The following ZNF469 variants were observed in gnomAD, a reference collection of about 807,000 sequenced individuals.
ZNF469 encodes the protein zinc finger protein 469.
In ZNF469, 1 loss-of-function variant was observed where a neutral mutation model predicts 1.0. The observed-to-expected ratio is 1.00, with a 90% CI of 0.35 to 4.73. The LOEUF (loss-of-function observed/expected upper bound fraction) is 4.73, where lower values mean the gene tolerates loss of function less well. ZNF469 is among the 30% of genes most tolerant of loss of function. ZNF469 has a pLI of 0.16. For synonymous variants in ZNF469, 2,703 were observed against 2,363.4 expected, an observed-to-expected ratio of 1.14 and a Z score of -4.17; for missense variants, 6,100 against 5,356.3, an observed-to-expected ratio of 1.14 and a Z score of -4.33.
At chr16:88,370,727 C>T in the ZNF469 span, among the ~76,000 whole-genome samples, 1 of 152,180 alleles carries the variant, frequency 6.6e-6, no homozygotes, top group African/African-American at 2.4e-5. Flanking sequence ...AGCTTGGAGA[C>T]CAGAAGTCTG....
chr16:88,289,525 C>T, the ZNF469 span, among the ~76,000 whole-genome samples: 1 of 152,182 alleles, frequency 6.6e-6, no homozygotes, highest in Non-Finnish European at 1.5e-5. Context: ...TAAGTAAGTA[C>T]TATGCTGAGT....
At chr16:88,384,592 C>A (rs1019584030) in intron 1 of ZNF469, among the ~76,000 whole-genome samples, 2 of 152,144 alleles carry the variant, frequency 1.3e-5, no homozygotes, top group Non-Finnish European at 2.9e-5. Context: ...GGGAGGTGAT[C>A]ATTCTGCCCT....
At chr16:88,377,122 C>A in the ZNF469 span, among the ~76,000 whole-genome samples, 58,360 of 152,204 alleles carry the variant, frequency 0.38, 14,383 homozygotes, top group African/African-American at 0.68. Flanking sequence ...TTAGCCACCA[C>A]TCCTGTGTCT....
At chr16:88,303,276 G>A in the ZNF469 span, among the ~76,000 whole-genome samples, 1 of 152,206 alleles carries the variant, frequency 6.6e-6, no homozygotes, top group Non-Finnish European at 1.5e-5. Flanking sequence ...TGAAATCAAG[G>A]TAACAATTCA....
At chr16:88,123,534 T>A in the ZNF469 span, among the ~76,000 whole-genome samples, 2 of 152,092 alleles carry the variant, frequency 1.3e-5, no homozygotes, top group African/African-American at 4.8e-5. Flanking sequence ...TAACAGCAAG[T>A]CTTGGTGTGT....
chr16:88,197,387 T>G, the ZNF469 span, among the ~76,000 whole-genome samples: 2 of 152,186 alleles, frequency 1.3e-5, no homozygotes, highest in African/African-American at 4.8e-5. Flanking sequence ...CTAGTCTAGA[T>G]TCTTAATATT....
At chr16:88,135,863 C>G in the ZNF469 span, among the ~76,000 whole-genome samples, 1 of 150,182 alleles carries the variant, frequency 6.7e-6, no homozygotes, top group Non-Finnish European at 1.5e-5. Context: ...CGGGTTCACG[C>G]CATTCTCCTG....
In ZNF469 at chr16:88,431,797, A is replaced by G; in HGVS notation, c.4327A>G (p.Arg1443Gly). 6.5e-7 allele frequency: 1 copy of G among 1,549,834 alleles called. No individual in the cohort carries two copies. The highest frequency in any genetic ancestry group is 2.0e-5 in the Admixed American group (1 of 51,016). The change falls in exon 3 of 3, where the codon AGG (arginine) becomes GGG (glycine). Residue 1443 changes from arginine to glycine, a missense_variant. Coordinates refer to ENST00000565624, the MANE Select transcript of ZNF469 (RefSeq NM_001367624.2). ...TGGCACCGCTGAGACGGAGCCAGGC[A>G]GGGCTGCATCGCCACCGACCTTGGA... ...PPGTAETEPG[R>G]AASPPTLESS...
At chr16:88,257,939 G>C in the ZNF469 span, among the ~76,000 whole-genome samples, 1 of 152,200 alleles carries the variant, frequency 6.6e-6, no homozygotes, top group African/African-American at 2.4e-5. Flanking sequence ...AGAATAGAAT[G>C]TGCGTCCAGA....
the ZNF469 span, chr16:88,177,332 T>G: frequency 1.3e-5 from 2 of 152,064 alleles, no homozygotes; most frequent in Non-Finnish European, 2.9e-5. This position sits in a 1 kb window ranked among gnomAD's most constrained non-coding sequence, Gnocchi z 4.8. Context: ...AGGCTGGAGG[T>G]GTCCAGGCTC....
At chr16:88,164,386 A>G in the ZNF469 span, among the ~76,000 whole-genome samples, 2 of 152,046 alleles carry the variant, frequency 1.3e-5, no homozygotes, top group African/African-American at 4.8e-5. Flanking sequence ...GGACGGATGC[A>G]GGAATGGTAG....
chr16:88,133,113 C>T, the ZNF469 span, among the ~76,000 whole-genome samples: 2 of 152,224 alleles, frequency 1.3e-5, no homozygotes, highest in East Asian at 1.9e-4. Context: ...GAGAGCACTG[C>T]CTGCGATCAA....
chr16:88,438,344 G>A lies in ZNF469; in HGVS notation c.10874G>A (p.Arg3625Lys), dbSNP rs1906753050. Residue 3625 changes from arginine (R) to lysine (K), a missense_variant, in exon 3 of 3, where the codon AGG (arginine) becomes AAG (lysine). Physicochemically the swap from Arg to Lys is conservative, Grantham distance 26. Transcript: ENST00000565624. ...CCTCTCGTGTTCTCAGGGAAACGCA[G>A]GGCCCCGGGTGCCCGTGGCAGGTGT... ...RAPLVFSGKRRAPGARGRCAP... is the reference protein window; with the variant it reads ...RAPLVFSGKRKAPGARGRCAP... 1.9e-6 allele frequency: 3 copies of A among 1,550,122 alleles called. No individual in the cohort carries two copies. In the South Asian group the frequency reaches 3.6e-5, roughly 18 times the overall value.
the ZNF469 span, among the ~76,000 whole-genome samples, chr16:88,170,257 G>T: frequency 1.3e-5 from 2 of 152,164 alleles, no homozygotes; most frequent in Admixed American, 1.3e-4. The surrounding 1 kb of genome is among the most constrained non-coding windows in gnomAD (Gnocchi z 4.2). Flanking sequence ...CCAGCTAATT[G>T]TCACATCCAT....
At chr16:88,392,195 G>A (rs577118428) in intron 1 of ZNF469, among the ~76,000 whole-genome samples, 3 of 152,360 alleles carry the variant, frequency 2.0e-5, no homozygotes, top group South Asian at 4.1e-4. Flanking sequence ...TCCTTGCTGC[G>A]CCCTCAGGAA....
chr16:88,406,089 C>T (rs539506544), intron 1 of ZNF469, among the ~76,000 whole-genome samples: 1 of 152,320 alleles, frequency 6.6e-6, no homozygotes, highest in East Asian at 1.9e-4. Flanking sequence ...GGGAGCAGCC[C>T]GGAGCCGACC....
the ZNF469 span, among the ~76,000 whole-genome samples, chr16:88,292,815 A>AAC: frequency 2.6e-5 from 4 of 151,532 alleles, no homozygotes; most frequent in Admixed American, 2.6e-4. Context: ...AAAAAAAAAA[A>AAC]AAAACCTCTA....
chr16:88,422,514 T>G (rs1597202548), intron 1 of ZNF469, among the ~76,000 whole-genome samples: 2 of 70,090 alleles, frequency 2.9e-5, no homozygotes, highest in Admixed American at 1.9e-4. Flanking sequence ...GGGTGGATGA[T>G]GGGTGGATGA....
the ZNF469 span, among the ~76,000 whole-genome samples, chr16:88,153,031 T>C: frequency 6.6e-6 from 1 of 152,142 alleles, no homozygotes; most frequent in African/African-American, 2.4e-5. Flanking sequence ...CGTTCTGCAC[T>C]GTATGGGGGG....
Sources: allele counts gnomAD v4.1 joint callset (sites outside exome capture counted in the v4.1 genomes callset), GRCh38; gene constraint gnomAD v4.1.1; non-coding constraint Gnocchi (gnomAD v3.1); transcripts MANE v1.5; gene names NCBI Gene and HGNC (gene_info 2026-07-23, HGNC 2026-07-21).